UQCC1: variants seen among roughly 807,000 people sequenced by gnomAD.
The protein encoded by UQCC1 is bFGF-repressed Zic-binding protein.
UQCC1 carries 38 observed loss-of-function variants against 48.0 expected under a neutral mutation model. The observed-to-expected ratio is 0.79, with a 90% CI of 0.61 to 1.04. UQCC1 has a LOEUF of 1.04. Ranked by LOEUF, UQCC1 falls within the 50% of genes least tolerant of loss-of-function variation. The pLI, the probability that UQCC1 is intolerant of heterozygous loss-of-function variation, is 0.00. For synonymous variants in UQCC1, 111 were observed against 129.2 expected (o/e 0.86, Z 0.95); for missense variants, 368 against 381.8 (o/e 0.96, Z 0.30).
intron 4 of UQCC1, 123 bp downstream of exon 4, chr20:35,381,795 C>T (rs1600986009): frequency 1.8e-5 from 12 of 674,598 alleles, no homozygotes; most frequent in South Asian, 1.7e-4. Context: ...GCAGCTAGAT[C>T]GTCCTCACAT....
In UQCC1 at chr20:35,368,895, G is replaced by GC. The variant is rs539169541; in HGVS notation, c.407-2282dup. On this transcript the variant is annotated intron_variant, in intron 5 of 9. Coordinates refer to ENST00000374385, the MANE Select transcript of UQCC1 (RefSeq NM_018244.5). ...TAAGACACATGCCATCTGAGAATGG[G>GC]CCAACCACCCTCCACCTAGACAAGA... is the stretch of plus-strand genomic sequence containing the variant. Among the ~76,000 whole-genome samples, 34 of 152,286 alleles carry GC rather than the reference G, an allele frequency of 2.2e-4. 1 individual carries two copies. The South Asian group carries it at 7.1e-3, about 32-fold the overall frequency.
intron 1 of UQCC1, among the ~76,000 whole-genome samples, chr20:35,406,712 G>C (rs1031714170): frequency 3.3e-5 from 5 of 152,066 alleles, no homozygotes; most frequent in Non-Finnish European, 7.4e-5. Context: ...CAGTACAAAT[G>C]GATTTTTTGT....
chr20:35,310,882 T>C (rs1415102123), intron 8 of UQCC1, among the ~76,000 whole-genome samples: 1 of 139,382 alleles, frequency 7.2e-6, no homozygotes, highest in Non-Finnish European at 1.6e-5. Context: ...TTTTTTTCAG[T>C]AGAGACGGGG....
At chr20:35,382,440 C>G (rs972133514) in intron 3 of UQCC1, among the ~76,000 whole-genome samples, 5 of 151,116 alleles carry the variant, frequency 3.3e-5, no homozygotes, top group African/African-American at 1.2e-4. Context: ...CATGCTTGGG[C>G]TGAGGGCATT....
At chr20:35,411,114 G>A (rs1031258787) in intron 1 of UQCC1, among the ~76,000 whole-genome samples, 10 of 152,094 alleles carry the variant, frequency 6.6e-5, no homozygotes, top group Non-Finnish European at 1.0e-4. Context: ...TTGAAGACTC[G>A]CTAAAACTAT....
chr20:35,396,879 G>C (rs2062085756), intron 1 of UQCC1, among the ~76,000 whole-genome samples: 1 of 152,060 alleles, frequency 6.6e-6, no homozygotes, highest in African/African-American at 2.4e-5. Context: ...GGGATCTGAG[G>C]GTTTTCTTCA....
At chr20:35,335,787 ATGTT>A (rs2061309463) in intron 7 of UQCC1, among the ~76,000 whole-genome samples, 1 of 152,238 alleles carries the variant, frequency 6.6e-6, no homozygotes, top group Admixed American at 6.5e-5. Context: ...GCAAATTTAC[ATGTT>A]ATGGGATATA....
chr20:35,390,524 A>T (rs2062001325), intron 2 of UQCC1, among the ~76,000 whole-genome samples: 1 of 152,094 alleles, frequency 6.6e-6, no homozygotes, highest in African/African-American at 2.4e-5. Context: ...GTTTATAGAG[A>T]TCTGTTGCAA....
chr20:35,313,738 C>G (rs1207501364), intron 8 of UQCC1, among the ~76,000 whole-genome samples: 1 of 152,006 alleles, frequency 6.6e-6, no homozygotes, highest in African/African-American at 2.4e-5. Flanking sequence ...TCATGCCTCA[C>G]CTTCCCAAGC....
rs1430568416 is a variant in UQCC1, at chr20:35,393,505, C to CACACACAA, written c.129+586_129+587insTTGTGTGT. ...ACACACACACACAAACACACACAAA[C>CACACACAA]ACACACACACACACACACACACACA... On this transcript the variant is annotated intron_variant, in intron 2 of 9. Coordinates refer to ENST00000374385, the MANE Select transcript of UQCC1 (RefSeq NM_018244.5). Among the ~76,000 whole-genome samples, 4 of 23,696 alleles carry CACACACAA rather than the reference C, an allele frequency of 1.7e-4. No homozygotes were observed. In the East Asian group the frequency reaches 0.029, roughly 169 times the overall value. 15.5% of individuals were successfully genotyped at this position (23,696 alleles called of 152,430 possible).
rs78671873 is a variant in UQCC1 at position 35,398,533 on chromosome 20, T to C, written c.25-4337A>G. Among the ~76,000 whole-genome samples, 549 of 152,286 alleles carry C rather than the reference T, an allele frequency of 3.6e-3. 4 individuals carry two copies. The highest frequency in any genetic ancestry group is 4.0e-3 in the Non-Finnish European group (270 of 68,034). ...AGTTCTAAAATTGTATAATTGCCACTTACAGCACCTTAAATTTCAAATGAA... is the reference window on the plus strand; with the variant it reads ...AGTTCTAAAATTGTATAATTGCCACCTACAGCACCTTAAATTTCAAATGAA... On this transcript the variant is annotated intron_variant, in intron 1 of 9. Transcript: ENST00000374385.
chr20:35,407,044 C>A (rs1256190673), intron 1 of UQCC1, among the ~76,000 whole-genome samples: 1 of 152,086 alleles, frequency 6.6e-6, no homozygotes, highest in African/African-American at 2.4e-5. Flanking sequence ...AAATGTAGGA[C>A]CTAAAATGAT....
chr20:35,355,745 A>T (rs993552774), intron 6 of UQCC1, among the ~76,000 whole-genome samples: 11 of 152,182 alleles, frequency 7.2e-5, no homozygotes, highest in African/African-American at 2.7e-4. Context: ...TCTCCCAAAG[A>T]CAACCTCAGC....
intron 1 of UQCC1, among the ~76,000 whole-genome samples, chr20:35,410,725 C>A (rs7353185): frequency 0.24 from 5,187 of 21,230 alleles, 286 homozygotes; most frequent in African/African-American, 0.31. Context: ...AAAAAAAAAA[C>A]AAAACCCTAA....
At position 35,349,337 on chromosome 20, in the gene UQCC1, G is replaced by C. The variant is rs148860894; in HGVS notation, c.465-2065C>G. Among the ~76,000 whole-genome samples the C allele has an allele frequency of 1.1e-3, 170 of 152,298 alleles. 1 individual carries two copies. Among genetic ancestry groups the C allele is most frequent in the African/African-American group, 3.9e-3 (162 of 41,552 alleles). ...GGGATAAATTCAGGATCCTGCATTT[G>C]AGTCTAAAAGAACAACTGTAAAAGT... is the stretch of plus-strand genomic sequence containing the variant. On this transcript the variant is annotated intron_variant, in intron 6 of 9. Transcript: ENST00000374385.
chr20:35,315,746 C>T (rs983282546), intron 7 of UQCC1, among the ~76,000 whole-genome samples: 1 of 152,112 alleles, frequency 6.6e-6, no homozygotes, highest in Non-Finnish European at 1.5e-5. Context: ...AAAAATTAGC[C>T]TGGCATAGTG....
chr20:35,359,846 C>A (rs1448631456), intron 6 of UQCC1, among the ~76,000 whole-genome samples: 2 of 152,172 alleles, frequency 1.3e-5, no homozygotes, highest in Non-Finnish European at 2.9e-5. Flanking sequence ...TGTAAGCTGG[C>A]ACACTGACCC....
intron 7 of UQCC1, among the ~76,000 whole-genome samples, chr20:35,342,598 G>A (rs1167100241): frequency 6.6e-6 from 1 of 152,182 alleles, no homozygotes; most frequent in Non-Finnish European, 1.5e-5. Context: ...TTACAGCTGT[G>A]TCAAGACTTA....
At chr20:35,339,957 A>G (rs2061359573) in intron 7 of UQCC1, among the ~76,000 whole-genome samples, 1 of 152,102 alleles carries the variant, frequency 6.6e-6, no homozygotes, top group Non-Finnish European at 1.5e-5. Flanking sequence ...TTTTACCCCT[A>G]AATACTTCAA....
Sources: gnomAD v4.1 joint callset for allele counts (sites outside exome capture counted in the v4.1 genomes callset) on GRCh38, gnomAD v4.1.1 for gene constraint, MANE v1.5 for transcripts, NCBI Gene and HGNC (gene_info 2026-07-23, HGNC 2026-07-21) for gene names.